The following DGUOK variants were observed in gnomAD, a reference collection of about 807,000 sequenced individuals.
DGUOK encodes the protein deoxyguanosine kinase.
DGUOK carries 30 observed loss-of-function variants against 36.6 expected under a neutral mutation model. The ratio of observed to expected loss-of-function variants is 0.82; its 90% confidence interval spans 0.61 to 1.11. The LOEUF is 1.11. DGUOK is among the 50% of genes most tolerant of loss of function. The probability of loss-of-function intolerance (pLI) is 0.00; values close to 1 mark genes in which losing one functional copy is unlikely to be tolerated. For synonymous variants in DGUOK, 145 were observed against 126.3 expected (o/e 1.15, Z -0.99); for missense variants, 361 against 336.4 (o/e 1.07, Z -0.57).
chr2:73,944,618 TG>T (rs2104934280), intron 2 of DGUOK, among the ~76,000 whole-genome samples: 1 of 152,358 alleles, frequency 6.6e-6, no homozygotes, highest in South Asian at 2.1e-4. Flanking sequence ...ATTGTTCATC[TG>T]TTTGCTTATA....
At chr2:73,954,334 C>A (rs1400687147) in intron 4 of DGUOK, among the ~76,000 whole-genome samples, 1 of 151,882 alleles carries the variant, frequency 6.6e-6, no homozygotes, top group Non-Finnish European at 1.5e-5. Flanking sequence ...CAAAGCAAGA[C>A]CCTGTCTCAA....
At chr2:73,947,937 T>G (rs1682451766) in intron 3 of DGUOK, 1 of 152,118 alleles carries the variant, frequency 6.6e-6, no homozygotes, top group African/African-American at 2.4e-5. Context: ...GAAAGCCTCC[T>G]AGAAGAAAAA....
intron 1 of DGUOK, among the ~76,000 whole-genome samples, chr2:73,930,211 A>T (rs552942203): frequency 1.3e-5 from 2 of 152,306 alleles, no homozygotes; most frequent in East Asian, 3.9e-4. Flanking sequence ...GTGAAGTAGG[A>T]AGAAAGGTCA....
chr2:73,931,471 T>C (rs931903748), intron 1 of DGUOK, among the ~76,000 whole-genome samples: 11 of 152,098 alleles, frequency 7.2e-5, no homozygotes, highest in African/African-American at 2.7e-4. Context: ...AGAGAAGTAG[T>C]TGGATGTGCC....
At chr2:73,936,458 G>A (rs926122220) in intron 1 of DGUOK, among the ~76,000 whole-genome samples, 6 of 152,184 alleles carry the variant, frequency 3.9e-5, no homozygotes, top group African/African-American at 1.4e-4. Context: ...GAGCGTGACT[G>A]TACAAATCCA....
At position 73,946,837 on chromosome 2, in the gene DGUOK, C is replaced by A. The variant is rs1682367684; in HGVS notation, c.374C>A (p.Pro125His). Residue 125 changes from proline (P) to histidine (H), a missense_variant, in exon 3 of 7, where the codon CCC (proline) becomes CAC (histidine). By Grantham distance (77) the Pro-to-His change is moderately conservative. Transcript: ENST00000264093. ...FLSRLKVQLEPFPEKLLQARK... is the reference protein window; with the variant it reads ...FLSRLKVQLEHFPEKLLQARK... ...AGCCGCCTGAAAGTACAGCTGGAGC[C>A]CTTCCCTGAGAAACTCTTACAGGCC... The A allele has an allele frequency of 6.2e-7, 1 of 1,613,840 alleles. No homozygotes were observed. Among genetic ancestry groups the A allele is most frequent in the South Asian group, 1.1e-5 (1 of 91,062 alleles).
intron 4 of DGUOK, among the ~76,000 whole-genome samples, chr2:73,953,719 C>CTTTTTTTT (rs386390474): frequency 1.0e-4 from 10 of 95,786 alleles, no homozygotes; most frequent in Non-Finnish European, 2.0e-4. Flanking sequence ...TCCCTAACTT[C>CTTTTTTTT]TTTTTTTTTT....
chr2:73,952,643 C>T (rs1460626498), intron 4 of DGUOK, among the ~76,000 whole-genome samples: 1 of 152,188 alleles, frequency 6.6e-6, no homozygotes, highest in African/African-American at 2.4e-5. Context: ...AGAATGCTGA[C>T]TTAACCTTTT....
At chr2:73,955,576 T>C (rs1683026628) in intron 4 of DGUOK, among the ~76,000 whole-genome samples, 1 of 152,146 alleles carries the variant, frequency 6.6e-6, no homozygotes, top group Non-Finnish European at 1.5e-5. Context: ...AGTAAGTTAT[T>C]GAAAGAGGGA....
intron 3 of DGUOK, 106 bp from the exon 4 acceptor site, chr2:73,950,479 A>T (rs1026255073): frequency 1.6e-6 from 2 of 1,254,392 alleles, no homozygotes; most frequent in African/African-American, 2.9e-5. Flanking sequence ...TTGAACAGAC[A>T]TGGAACAAGT....
chr2:73,930,717 C>T (rs1401948559), intron 1 of DGUOK, among the ~76,000 whole-genome samples: 1 of 151,486 alleles, frequency 6.6e-6, no homozygotes, highest in Non-Finnish European at 1.5e-5. Flanking sequence ...TGGGATACAG[C>T]TCCTGTCCTT....
intron 1 of DGUOK, among the ~76,000 whole-genome samples, chr2:73,931,994 G>A (rs533754078): frequency 1.3e-4 from 20 of 152,254 alleles, no homozygotes; most frequent in African/African-American, 4.1e-4. Context: ...AGGAAGAGGC[G>A]GTCTGGGGAG....
In DGUOK at chr2:73,958,139, C is replaced by CT. The variant is rs1394617108; in HGVS notation, c.708-5dup. 1 of 1,612,376 alleles carries CT rather than the reference C, an allele frequency of 6.2e-7. No individual in the cohort carries two copies. Among genetic ancestry groups the CT allele is most frequent in the Non-Finnish European group, 8.5e-7 (1 of 1,178,588 alleles). On this transcript the variant is annotated splice_region_variant and splice_polypyrimidine_tract_variant and intron_variant, in intron 5 of 6. Coordinates refer to ENST00000264093, the MANE Select transcript of DGUOK (RefSeq NM_080916.3). ...TTCTGTCCCCCAAACGTTCACGCTTCTTATAGGCTCCACTTTGAGGCTCTG... is the reference window on the plus strand; with the variant it reads ...TTCTGTCCCCCAAACGTTCACGCTTCTTTATAGGCTCCACTTTGAGGCTCTG...
chr2:73,957,699 T>C (rs1331041927), intron 5 of DGUOK, among the ~76,000 whole-genome samples: 1 of 152,248 alleles, frequency 6.6e-6, no homozygotes, highest in Non-Finnish European at 1.5e-5. Context: ...ATATAATCTT[T>C]ACATTCCAAG....
intron 5 of DGUOK, 90 bp from the exon 6 acceptor site, chr2:73,958,056 G>T: frequency 8.1e-6 from 8 of 982,496 alleles, no homozygotes; most frequent in Non-Finnish European, 1.3e-5. Context: ...ATTTAGATCT[G>T]TTCTCTGAGT....
In DGUOK at chr2:73,938,965, C is replaced by T. The variant is rs138034585; in HGVS notation, c.198C>T (p.His66=). 20 of 1,613,914 alleles carry T rather than the reference C, an allele frequency of 1.2e-5. No homozygotes were observed. In the Admixed American group the frequency reaches 2.0e-4, roughly 16 times the overall value. The change falls in exon 2 of 7, where the codon CAC becomes CAT. Residue 66 remains histidine, a synonymous_variant. Transcript: ENST00000264093. ...KLLTKTYPEW[H]VATEPVATWQ... Reference sequence around the variant, plus strand: ...TCACGAAAACTTACCCAGAATGGCACGTAGCTACAGAACCTGTAGCAACAT... The same window carrying T: ...TCACGAAAACTTACCCAGAATGGCATGTAGCTACAGAACCTGTAGCAACAT...
intron 4 of DGUOK, 33 bp downstream of exon 4, chr2:73,950,765 G>C: frequency 6.2e-7 from 1 of 1,613,518 alleles, no homozygotes; most frequent in Non-Finnish European, 8.5e-7. Context: ...AGACTTTAGG[G>C]CCATATGAAA....
chr2:73,930,496 C>T (rs975466520), intron 1 of DGUOK, among the ~76,000 whole-genome samples: 4 of 152,218 alleles, frequency 2.6e-5, no homozygotes, highest in African/African-American at 9.6e-5. Context: ...CTAAAGGAAG[C>T]TCTGTCCTCA....
intron 2 of DGUOK, among the ~76,000 whole-genome samples, chr2:73,945,759 A>G (rs1682252738): frequency 6.6e-6 from 1 of 152,212 alleles, no homozygotes; most frequent in South Asian, 2.1e-4. Context: ...CCAGAAAAGA[A>G]TCTGGGGCTG....
Sources: allele counts gnomAD v4.1 joint callset (sites outside exome capture counted in the v4.1 genomes callset), GRCh38; gene constraint gnomAD v4.1.1; transcripts MANE v1.5; gene names NCBI Gene and HGNC (gene_info 2026-07-23, HGNC 2026-07-21).